The following GALK1 variants were observed in gnomAD, a reference collection of about 807,000 sequenced individuals.
GALK1 encodes the protein galactokinase.
GALK1 carries 30 observed loss-of-function variants against 38.6 expected under a neutral mutation model. That is an observed-to-expected ratio of 0.78 (90% CI 0.58 to 1.05). The LOEUF is 1.05. Ranked by LOEUF, GALK1 falls within the 50% of genes least tolerant of loss-of-function variation. The pLI, the probability that GALK1 is intolerant of heterozygous loss-of-function variation, is 0.00. For missense variants in GALK1, 512 were observed against 540.5 expected (o/e 0.95, Z 0.52); for synonymous variants, 240 against 233.6 (o/e 1.03, Z -0.25).
chr17:75,759,179 G>C (rs1465585847), intron 5 of GALK1, among the ~76,000 whole-genome samples: 1 of 152,162 alleles, frequency 6.6e-6, no homozygotes, highest in East Asian at 1.9e-4. Context: ...TGTAATCCCA[G>C]CACTTTGGGA....
At position 75,763,139 on chromosome 17, in the gene GALK1, T is replaced by C. The variant is rs758416839; in HGVS notation, c.486A>G (p.Thr162=). 1.9e-6 allele frequency: 3 copies of C among 1,611,734 alleles called. No homozygotes were observed. The South Asian group carries it at 3.3e-5, about 18-fold the overall frequency. Residue 162 remains threonine (T), a synonymous_variant, in exon 4 of 8, where the codon ACA becomes ACG. Transcript: ENST00000588479. ...GACACACCTGGGCGCGGGCAGCTAT[T>C]GTGCCCGAGTCTGCAGTACAGGGTG... is the stretch of plus-strand genomic sequence containing the variant. ...FLQQLCPDSG[T]IAARAQVCQQ...
chr17:75,759,427 C>CAAA (rs10624000), intron 5 of GALK1, among the ~76,000 whole-genome samples: 170 of 143,454 alleles, frequency 1.2e-3, no homozygotes, highest in South Asian at 5.8e-3. Context: ...GGCTCCCTCT[C>CAAA]AAAAAAAAAG....
chr17:75,752,219 A>T, intron 8 of GALK1: 1 of 1,613,830 alleles, frequency 6.2e-7, no homozygotes, highest in Non-Finnish European at 8.5e-7. Flanking sequence ...AACCCTAAGA[A>T]CCGGATGCTG....
intron 5 of GALK1, among the ~76,000 whole-genome samples, chr17:75,759,793 G>A (rs958773614): frequency 3.9e-4 from 59 of 152,268 alleles, no homozygotes; most frequent in African/African-American, 1.4e-3. Context: ...GAGGTCCCTC[G>A]GAGCTGTCTA....
At chr17:75,757,196 C>G (rs778331639), downstream of GALK1, 9 of 1,612,414 alleles carry the variant, frequency 5.6e-6, no homozygotes, top group East Asian at 1.6e-4. Context: ...TCTGCCCACC[C>G]CAGGACCCTT....
At chr17:75,755,474 CT>C (rs1369718034), downstream of GALK1, among the ~76,000 whole-genome samples, 1 of 152,170 alleles carries the variant, frequency 6.6e-6, no homozygotes, top group Non-Finnish European at 1.5e-5. Context: ...GGCTGGCAGA[CT>C]CACGGGGCTC....
At chr17:75,754,144 C>T (rs925683735), downstream of GALK1, among the ~76,000 whole-genome samples, 1 of 152,168 alleles carries the variant, frequency 6.6e-6, no homozygotes, top group African/African-American at 2.4e-5. Context: ...CCAGGGGACG[C>T]GTGAGGCAGG....
At chr17:75,754,895 C>T, downstream of GALK1, 1 of 1,592,004 alleles carries the variant, frequency 6.3e-7, no homozygotes, top group Non-Finnish European at 8.6e-7. Flanking sequence ...CTTCTGTCTG[C>T]TGTCCCCACC....
chr17:75,758,699 G>C (rs897175769), intron 5 of GALK1, 100 bp from the exon 6 acceptor site: 7 of 1,459,244 alleles, frequency 4.8e-6, no homozygotes, highest in Non-Finnish European at 6.5e-6. Context: ...CTGGCTGGAC[G>C]GTGAAGGGTG....
intron 5 of GALK1, among the ~76,000 whole-genome samples, chr17:75,761,058 C>T (rs532439803): frequency 6.6e-6 from 1 of 151,762 alleles, no homozygotes; most frequent in African/African-American, 2.4e-5. Flanking sequence ...AAAAATTAGC[C>T]AGGTGTGGTG....
chr17:75,753,919 C>G (rs1241199098), downstream of GALK1: 6 of 1,286,066 alleles, frequency 4.7e-6, no homozygotes, highest in Non-Finnish European at 5.9e-6. Context: ...ACGACGGCGG[C>G]GCGGGCGGGA....
intron 2 of GALK1, 139 bp from the exon 3 acceptor site, chr17:75,763,578 A>G: frequency 1.0e-6 from 1 of 1,003,250 alleles, no homozygotes; most frequent in Non-Finnish European, 1.5e-6. Context: ...AGAAGCCACC[A>G]ACCTGCTGGG....
chr17:75,760,230 AC>A, intron 5 of GALK1, among the ~76,000 whole-genome samples: 1 of 152,004 alleles, frequency 6.6e-6, no homozygotes, highest in African/African-American at 2.4e-5. Context: ...AGTAGCTAGG[AC>A]TACAGGCACA....
At position 75,763,000 on chromosome 17, in the gene GALK1, G is replaced by T; in HGVS notation, c.611+14C>A. The T allele has an allele frequency of 6.2e-7, 1 of 1,612,544 alleles. No homozygotes were observed. ...GAGTGCAGGGCGGGAGGGGACGAGG[G>T]GAGCGAGCCCAACCTGCAGTCAATG... is the stretch of plus-strand genomic sequence containing the variant. On this transcript the variant is annotated intron_variant, in intron 4 of 7. Transcript: ENST00000588479.
Position 75,758,165 on chromosome 17 carries a change from G to A in GALK1, c.1108-38C>T, listed in dbSNP as rs770140211. ...GGCTGGGGGTGAGTGGCAGGGCCCC[G>A]GGAAGCTGCCGCTCCTGCCCGCCCA... On this transcript the variant is annotated intron_variant, in intron 7 of 7. Coordinates refer to ENST00000588479, the MANE Select transcript of GALK1 (RefSeq NM_000154.2). 3.0e-5 allele frequency: 49 copies of A among 1,610,146 alleles called. No individual in the cohort carries two copies. In the East Asian group the frequency reaches 5.1e-4, roughly 17 times the overall value.
chr17:75,754,135 C>T (rs1301834635), downstream of GALK1, among the ~76,000 whole-genome samples: 1 of 152,166 alleles, frequency 6.6e-6, no homozygotes, highest in Non-Finnish European at 1.5e-5. Context: ...GGCCCAGTGC[C>T]AGGGGACGCG....
chr17:75,764,954 C>T lies in GALK1; in HGVS notation c.165+18G>A. 5 of 1,601,822 alleles carry T rather than the reference C, an allele frequency of 3.1e-6. No homozygotes were observed. The highest frequency in any genetic ancestry group is 2.3e-5 in the East Asian group (1 of 44,306). On this transcript the variant is annotated intron_variant, in intron 1 of 7. Coordinates refer to ENST00000588479, the MANE Select transcript of GALK1 (RefSeq NM_000154.2). ...GACAGGCGGCGGCGGGCTAGGGGCTCCCCGTGCAGCCCCTCACCATAGGCA... is the reference window on the plus strand; with the variant it reads ...GACAGGCGGCGGCGGGCTAGGGGCTTCCCGTGCAGCCCCTCACCATAGGCA...
At chr17:75,760,362 G>A (rs185887456) in intron 5 of GALK1, among the ~76,000 whole-genome samples, 51 of 151,860 alleles carry the variant, frequency 3.4e-4, no homozygotes, top group Admixed American at 9.2e-4. Flanking sequence ...TAAAGTGCTG[G>A]GATTACAGGC....
At chr17:75,756,515 C>G, downstream of GALK1, 1 of 1,613,348 alleles carries the variant, frequency 6.2e-7, no homozygotes, top group South Asian at 1.1e-5. Context: ...CTACGTGTTC[C>G]GCGTGCGGGC....
Sources: gnomAD v4.1 joint callset for allele counts (sites outside exome capture counted in the v4.1 genomes callset) on GRCh38, gnomAD v4.1.1 for gene constraint, MANE v1.5 for transcripts, NCBI Gene and HGNC (gene_info 2026-07-23, HGNC 2026-07-21) for gene names.